Variants in CCDC141 observed in about 807,000 individuals in gnomAD.
CCDC141 encodes coiled-coil domain containing 141, also known as coiled-coil domain-containing protein 141.
A neutral mutation model predicts 181.0 loss-of-function variants in CCDC141; 168 were observed. That is an observed-to-expected ratio of 0.93 (90% CI 0.82 to 1.05). CCDC141 has a LOEUF of 1.05. Among genes scored for constraint, CCDC141 ranks in the 50% least tolerant of loss-of-function variants. The probability of loss-of-function intolerance (pLI) is 0.00; values close to 1 mark genes in which losing one functional copy is unlikely to be tolerated. For synonymous variants in CCDC141, 666 were observed against 642.3 expected, an observed-to-expected ratio of 1.04 and a Z score of -0.56; for missense variants, 1,902 against 1,788.5, an observed-to-expected ratio of 1.06 and a Z score of -1.14.
rs201263348 is a variant in CCDC141, at chr2:178,978,582, C to T, written c.319G>A (p.Glu107Lys). 63 of 1,550,062 alleles carry T rather than the reference C, an allele frequency of 4.1e-5. No individual in the cohort carries two copies. The East Asian group carries it at 1.1e-3, about 26-fold the overall frequency. Residue 107 changes from glutamate (E) to lysine (K), a missense_variant, in exon 3 of 24, where the codon GAG (glutamate) becomes AAG (lysine). Transcript: ENST00000443758. ...GCTGCCCATGCTTCACCCAGAGTCT[C>T]GGCCATGGCATCATAGACCTGACTC... Reference protein sequence around the residue: ...DQSQVYDAMAETLGEAWAALV... With the variant: ...DQSQVYDAMAKTLGEAWAALV...
intron 17 of CCDC141, among the ~76,000 whole-genome samples, chr2:178,857,997 C>A (rs145157152): frequency 6.6e-6 from 1 of 152,018 alleles, no homozygotes; most frequent in East Asian, 1.9e-4. Context: ...AGTGGAATTG[C>A]GAACGGAAAT....
At chr2:178,817,091 C>T in the CCDC141 span, among the ~76,000 whole-genome samples, 1 of 152,100 alleles carries the variant, frequency 6.6e-6, no homozygotes, top group South Asian at 2.1e-4. Flanking sequence ...TGGATACTTC[C>T]ACATATGAGT....
chr2:178,971,833 C>T (rs778335064), intron 4 of CCDC141, among the ~76,000 whole-genome samples: 60 of 151,970 alleles, frequency 3.9e-4, no homozygotes, highest in Non-Finnish European at 5.9e-4. Context: ...GAACAGAAAA[C>T]CAAACACCAC....
chr2:178,829,698 T>C (rs1382802468), downstream of CCDC141: 1 of 152,268 alleles, frequency 6.6e-6, no homozygotes, highest in Non-Finnish European at 1.5e-5. Flanking sequence ...ATTCCGCTTA[T>C]TATAAATGGA....
At chr2:178,966,079 T>C (rs1332707695) in intron 4 of CCDC141, among the ~76,000 whole-genome samples, 1 of 152,178 alleles carries the variant, frequency 6.6e-6, no homozygotes, top group African/African-American at 2.4e-5. Context: ...TTCTCTTCTC[T>C]GGGCAGGGAA....
chr2:178,869,436 C>T (rs1686008583), intron 14 of CCDC141, 131 bp from the exon 15 acceptor site: 1 of 623,688 alleles, frequency 1.6e-6, no homozygotes, highest in Non-Finnish European at 2.6e-6. Context: ...AATGCCCCCA[C>T]CCTCCAAAAT....
intron 4 of CCDC141, among the ~76,000 whole-genome samples, chr2:178,969,723 G>C (rs1256417711): frequency 6.6e-6 from 1 of 152,150 alleles, no homozygotes; most frequent in Non-Finnish European, 1.5e-5. Context: ...ACAAGACAAA[G>C]ATGTCCTCTC....
chr2:178,916,016 C>T (rs1688431901), intron 7 of CCDC141, among the ~76,000 whole-genome samples: 1 of 151,954 alleles, frequency 6.6e-6, no homozygotes, highest in African/African-American at 2.4e-5. Flanking sequence ...CACCTCTGAG[C>T]CAGAGGTCAG....
intron 8 of CCDC141, among the ~76,000 whole-genome samples, chr2:178,893,799 TCACACA>T (rs56229236): frequency 4.9e-5 from 7 of 143,636 alleles, no homozygotes; most frequent in African/African-American, 1.3e-4. Context: ...TCTCTCTCTC[TCACACA>T]CACACACACA....
At chr2:179,014,773 A>G (rs2042378149) in intron 2 of CCDC141, among the ~76,000 whole-genome samples, 1 of 151,908 alleles carries the variant, frequency 6.6e-6, no homozygotes, top group Non-Finnish European at 1.5e-5. Flanking sequence ...AAAAAACAGT[A>G]GATGTTGGCA....
chr2:178,864,685 T>C (rs1399630636), intron 17 of CCDC141, among the ~76,000 whole-genome samples: 1 of 152,182 alleles, frequency 6.6e-6, no homozygotes, highest in Non-Finnish European at 1.5e-5. Context: ...CTGTGGTCTG[T>C]AAATGTGTGG....
Position 179,050,045 on chromosome 2 carries a change from A to G in CCDC141, c.-104T>C. ...GTTACTTGGATTCATTCAGGGAAAG[A>G]GCTCAGCTCACACTGATTACTCTGC... On this transcript the variant is annotated 5_prime_UTR_variant, in exon 1 of 24. Coordinates refer to ENST00000443758, the MANE Select transcript of CCDC141 (RefSeq NM_173648.4). 3.3e-6 allele frequency: 5 copies of G among 1,514,050 alleles called. No individual in the cohort carries two copies. Among genetic ancestry groups the G allele is most frequent in the Non-Finnish European group, 4.4e-6 (5 of 1,125,662 alleles). The allele number at this position is 1,514,050 out of a possible 1,614,324, so 93.8% of individuals were successfully genotyped here.
At chr2:178,874,375 G>A (rs1690194618) in intron 12 of CCDC141, 1 of 152,162 alleles carries the variant, frequency 6.6e-6, no homozygotes, top group African/African-American at 2.4e-5. Flanking sequence ...CCAAAGCACA[G>A]TAGTAAAATA....
At chr2:178,827,572 G>T (rs555908773), downstream of CCDC141, among the ~76,000 whole-genome samples, 1 of 152,112 alleles carries the variant, frequency 6.6e-6, no homozygotes, top group African/African-American at 2.4e-5. Flanking sequence ...GTGCACTTAG[G>T]GGGTGATGTT....
At chr2:178,938,793 T>C (rs1689392351) in intron 6 of CCDC141, among the ~76,000 whole-genome samples, 2 of 152,160 alleles carry the variant, frequency 1.3e-5, no homozygotes, top group Middle Eastern at 3.4e-3. Flanking sequence ...GGATGTAATG[T>C]ATCCAAGGTA....
At chr2:178,900,037 T>C (rs1166560444) in intron 8 of CCDC141, among the ~76,000 whole-genome samples, 1 of 152,178 alleles carries the variant, frequency 6.6e-6, no homozygotes, top group Non-Finnish European at 1.5e-5. Context: ...AAAAATGTCC[T>C]TTGCCAAGAA....
chr2:178,881,927 A>T lies in CCDC141; in HGVS notation c.1719+2974T>A, dbSNP rs1266567651. On this transcript the variant is annotated intron_variant, in intron 11 of 23. Coordinates refer to ENST00000443758, the MANE Select transcript of CCDC141 (RefSeq NM_173648.4). ...CTCTCTCTCTCTCTCACACACACACACACACACACACACACACACACACAC... is the reference window on the plus strand; with the variant it reads ...CTCTCTCTCTCTCTCACACACACACTCACACACACACACACACACACACAC... Among the ~76,000 whole-genome samples the T allele has an allele frequency of 8.9e-3, 1,311 of 147,166 alleles. 16 individuals carry two copies. Among genetic ancestry groups the T allele is most frequent in the African/African-American group, 0.028 (1,119 of 39,524 alleles).
chr2:178,849,344 A>C (rs1481678614), intron 21 of CCDC141, among the ~76,000 whole-genome samples: 1 of 152,212 alleles, frequency 6.6e-6, no homozygotes. Context: ...CACAAATCCA[A>C]TTATTTAGGG....
chr2:179,015,438 T>C (rs990513108), intron 2 of CCDC141, among the ~76,000 whole-genome samples: 1 of 140,080 alleles, frequency 7.1e-6, no homozygotes, highest in Non-Finnish European at 1.5e-5. Context: ...ATGTACCATA[T>C]ATATCTCATA....
Sources: allele counts gnomAD v4.1 joint callset (sites outside exome capture counted in the v4.1 genomes callset), GRCh38; gene constraint gnomAD v4.1.1; transcripts MANE v1.5; gene names NCBI Gene and HGNC (gene_info 2026-07-23, HGNC 2026-07-21).